The following RORA variants were observed in gnomAD, a reference collection of about 807,000 sequenced individuals.
RORA encodes the protein RAR related orphan receptor A.
A neutral mutation model predicts 69.5 loss-of-function variants in RORA; 7 were observed. The ratio of observed to expected loss-of-function variants is 0.10; its 90% CI spans 0.06 to 0.19. The LOEUF (loss-of-function observed/expected upper bound fraction) is 0.19, where lower values mean the gene tolerates loss of function less well. Ranked by LOEUF, RORA falls within the 10% of genes least tolerant of loss-of-function variation. RORA has a pLI of 1.00. For synonymous variants in RORA, 261 were observed against 240.8 expected, an observed-to-expected ratio of 1.08 and a Z score of -0.78; for missense variants, 457 against 663.0, an observed-to-expected ratio of 0.69 and a Z score of 3.41.
chr15:60,975,705 G>A lies in RORA; in HGVS notation c.166+253348C>T, dbSNP rs536669477. Among the ~76,000 whole-genome samples, 17 of 152,334 alleles carry A rather than the reference G, an allele frequency of 1.1e-4. No individual in the cohort carries two copies. In the South Asian group the frequency reaches 3.5e-3, roughly 32 times the overall value. The stretch of plus-strand genomic sequence containing the variant: ...TCATGCGTATGTGTGAGGAGTCAGA[G>A]GATGAAGAGTGAATGAATGGAAAAT... On this transcript the variant is annotated intron_variant, in intron 1 of 10. Coordinates refer to ENST00000335670, the MANE Select transcript of RORA (RefSeq NM_134261.3).
At chr15:61,016,016 C>T (rs930464099) in intron 1 of RORA, among the ~76,000 whole-genome samples, 1 of 152,126 alleles carries the variant, frequency 6.6e-6, no homozygotes, top group Non-Finnish European at 1.5e-5. Context: ...GAGATGACTG[C>T]AGGAACTAGC....
chr15:61,158,311 G>C (rs1025177040), intron 1 of RORA, among the ~76,000 whole-genome samples: 1 of 152,148 alleles, frequency 6.6e-6, no homozygotes, highest in Non-Finnish European at 1.5e-5. Context: ...CTCCTCTCTG[G>C]AAGTGTCATC....
intron 1 of RORA, among the ~76,000 whole-genome samples, chr15:60,708,115 T>A (rs1294127288): frequency 4.6e-5 from 7 of 152,222 alleles, no homozygotes; most frequent in Admixed American, 4.6e-4. Flanking sequence ...TGTTAGGTCC[T>A]TTGAACCGCT....
chr15:60,808,894 TA>T (rs1380936188), intron 1 of RORA, among the ~76,000 whole-genome samples: 1 of 152,082 alleles, frequency 6.6e-6, no homozygotes, highest in Non-Finnish European at 1.5e-5. Context: ...AATTGGAGAT[TA>T]TCATTCTAAG....
chr15:60,780,684 C>A (rs945737317), intron 1 of RORA, among the ~76,000 whole-genome samples: 1 of 151,994 alleles, frequency 6.6e-6, no homozygotes, highest in African/African-American at 2.4e-5. Context: ...ATTAAAACAA[C>A]AAAACAAAAA....
intron 1 of RORA, among the ~76,000 whole-genome samples, chr15:61,189,306 A>G (rs1035274575): frequency 1.3e-5 from 2 of 152,244 alleles, no homozygotes; most frequent in African/African-American, 4.8e-5. Context: ...ATGGAGAACG[A>G]CAAAGGAGAA....
chr15:60,661,081 A>AT (rs35005286), intron 2 of RORA, among the ~76,000 whole-genome samples: 32 of 141,110 alleles, frequency 2.3e-4, no homozygotes, highest in Non-Finnish European at 2.6e-4. Context: ...TAGAGGAGTT[A>AT]TTTTTTTTTT....
rs549117996 is a variant in RORA, at chr15:61,104,589, A to T, written c.166+124464T>A. Among the ~76,000 whole-genome samples, 30 of 152,164 alleles carry T rather than the reference A, an allele frequency of 2.0e-4. 1 individual carries two copies. The highest frequency in any genetic ancestry group is 3.2e-4 in the Non-Finnish European group (22 of 68,028). ...GTCAATTGTCTATAAGGTCCTGATG[A>T]GATTTAGCTTTTGCCTACTTCTCCC... On this transcript the variant is annotated intron_variant, in intron 1 of 10. Coordinates refer to ENST00000335670, the MANE Select transcript of RORA (RefSeq NM_134261.3).
chr15:61,112,455 T>C (rs1395628674), intron 1 of RORA, among the ~76,000 whole-genome samples: 1 of 151,164 alleles, frequency 6.6e-6, no homozygotes, highest in Non-Finnish European at 1.5e-5. Flanking sequence ...CCAGGGGGAG[T>C]GGCATTTGAG....
chr15:60,720,987 C>CA (rs1268317835), intron 1 of RORA, among the ~76,000 whole-genome samples: 1 of 152,160 alleles, frequency 6.6e-6, no homozygotes, highest in African/African-American at 2.4e-5. Context: ...TTCCTGCCCC[C>CA]ACACCTGAGA....
At chr15:60,863,479 C>T (rs1318739491) in intron 1 of RORA, among the ~76,000 whole-genome samples, 2 of 152,160 alleles carry the variant, frequency 1.3e-5, no homozygotes, top group Non-Finnish European at 2.9e-5. Context: ...ATAGAATGAA[C>T]AGCACTCAAA....
At chr15:61,021,639 C>T (rs1484417389) in intron 1 of RORA, among the ~76,000 whole-genome samples, 2 of 152,186 alleles carry the variant, frequency 1.3e-5, no homozygotes, top group African/African-American at 4.8e-5. Context: ...AAATCTTCTC[C>T]ATGAAGAGGA....
In RORA at chr15:61,137,095, GAAAGAAAA is replaced by G. The variant is rs1184028861; in HGVS notation, c.166+91950_166+91957del. Among the ~76,000 whole-genome samples the G allele has an allele frequency of 1.1e-4, 16 of 140,904 alleles. No homozygotes were observed. The South Asian group carries it at 1.4e-3, about 12-fold the overall frequency. The allele number at this position is 140,904 out of a possible 152,430, so 92.4% of individuals were successfully genotyped here. On this transcript the variant is annotated intron_variant, in intron 1 of 10. Transcript: ENST00000335670. ...AGAAAGAAAGAAAGAAAGAAAGAAA[GAAAGAAAA>G]AAGCAAGGGTGTCCAGGGTGGCAGA... is the stretch of plus-strand genomic sequence containing the variant.
Position 61,229,205 on chromosome 15 carries a change from G to A in RORA, c.14C>T (p.Pro5Leu). Reference sequence around the variant, plus strand: ...GCTGGCGGCGGGGTCGGGGGCTGCCGGAGCTGACTCCATGTTTTTTCCCAA... The same window carrying A: ...GCTGGCGGCGGGGTCGGGGGCTGCCAGAGCTGACTCCATGTTTTTTCCCAA... MESAPAAPDPAASEP... is the reference protein window; with the variant it reads MESALAAPDPAASEP... Residue 5 changes from proline (P) to leucine (L), a missense_variant, in exon 1 of 11, where the codon CCG becomes CTG. Physicochemically the swap from Pro to Leu is moderately conservative, Grantham distance 98. Transcript: ENST00000335670. 2 of 1,538,480 alleles carry A rather than the reference G, an allele frequency of 1.3e-6. No individual in the cohort carries two copies. Among genetic ancestry groups the A allele is most frequent in the Non-Finnish European group, 1.7e-6 (2 of 1,146,060 alleles).
At chr15:60,848,685 G>T in intron 1 of RORA, 1 of 154,050 alleles carries the variant, frequency 6.5e-6, no homozygotes, top group South Asian at 1.9e-4. Flanking sequence ...TTACGATCAT[G>T]GCAAAAGGTG....
intron 1 of RORA, among the ~76,000 whole-genome samples, chr15:61,112,516 C>T (rs2079015837): frequency 6.6e-6 from 1 of 152,000 alleles, no homozygotes; most frequent in African/African-American, 2.4e-5. Context: ...GGAGAAAGGA[C>T]GTTTTGAGGC....
intron 2 of RORA, among the ~76,000 whole-genome samples, chr15:60,657,924 G>A (rs1407216267): frequency 1.3e-5 from 2 of 152,110 alleles, no homozygotes; most frequent in African/African-American, 4.8e-5. Context: ...GACCCCCAGT[G>A]AGGGGTGGGG....
intron 2 of RORA, among the ~76,000 whole-genome samples, chr15:60,593,898 C>A (rs2068609607): frequency 1.3e-5 from 2 of 152,096 alleles, no homozygotes; most frequent in Non-Finnish European, 2.9e-5. Context: ...AGCAAATAAT[C>A]AGCACCGTAG....
intron 4 of RORA, among the ~76,000 whole-genome samples, chr15:60,513,755 C>T (rs576349073): frequency 4.6e-5 from 7 of 152,166 alleles, no homozygotes; most frequent in African/African-American, 1.2e-4. Context: ...GATCTACAGG[C>T]GCTAAGAACA....
Sources: allele counts gnomAD v4.1 joint callset (sites outside exome capture counted in the v4.1 genomes callset), GRCh38; gene constraint gnomAD v4.1.1; transcripts MANE v1.5; gene names NCBI Gene and HGNC (gene_info 2026-07-23, HGNC 2026-07-21).